The following CTNNBL1 variants were observed in gnomAD, a reference collection of about 807,000 sequenced individuals.
CTNNBL1 encodes the protein beta-catenin-like protein 1.
Under a neutral mutation model 72.7 loss-of-function variants are expected in CTNNBL1, and 31 were observed. The ratio of observed to expected loss-of-function variants is 0.43; its 90% confidence interval spans 0.32 to 0.58. The LOEUF (loss-of-function observed/expected upper bound fraction) is 0.58, where lower values mean the gene tolerates loss of function less well. Among genes scored for constraint, CTNNBL1 ranks in the 20% least tolerant of loss-of-function variants. The pLI is 0.08. For missense variants in CTNNBL1, 534 were observed against 725.1 expected (o/e 0.74, Z 3.03); for synonymous variants, 240 against 267.3 (o/e 0.90, Z 1.00).
intron 1 of CTNNBL1, among the ~76,000 whole-genome samples, chr20:37,703,885 C>T: frequency 6.6e-6 from 1 of 151,874 alleles, no homozygotes; most frequent in Non-Finnish European, 1.5e-5. Context: ...TCAAGCGACT[C>T]TCCTGCCTCA....
intron 5 of CTNNBL1, among the ~76,000 whole-genome samples, chr20:37,760,009 C>G (rs939932109): frequency 1.3e-5 from 2 of 152,206 alleles, no homozygotes; most frequent in African/African-American, 4.8e-5. Context: ...GTTGGAAGTC[C>G]TAAGCAATAG....
chr20:37,746,039 A>G (rs1025645694), intron 3 of CTNNBL1, among the ~76,000 whole-genome samples: 5 of 152,150 alleles, frequency 3.3e-5, no homozygotes, highest in African/African-American at 1.2e-4. Flanking sequence ...TTCTTTGGTA[A>G]GGGGAATAAC....
intron 11 of CTNNBL1, among the ~76,000 whole-genome samples, chr20:37,810,515 G>A (rs1431593386): frequency 2.0e-5 from 3 of 152,106 alleles, no homozygotes; most frequent in African/African-American, 7.2e-5. Flanking sequence ...TTTTGGTGGG[G>A]ATAAACCACA....
At chr20:37,790,387 G>A (rs1002208425) in intron 10 of CTNNBL1, among the ~76,000 whole-genome samples, 4 of 152,128 alleles carry the variant, frequency 2.6e-5, no homozygotes, top group African/African-American at 9.7e-5. Context: ...GGATTCAAGT[G>A]CAAAAGCAAA....
At chr20:37,832,452 G>A (rs2072217488) in intron 11 of CTNNBL1, 1 of 152,200 alleles carries the variant, frequency 6.6e-6, no homozygotes, top group Admixed American at 6.5e-5. Context: ...GAAAGAATGG[G>A]TTTAATAGAT....
intron 2 of CTNNBL1, among the ~76,000 whole-genome samples, chr20:37,735,097 A>G (rs1479660907): frequency 1.3e-5 from 2 of 152,230 alleles, no homozygotes; most frequent in East Asian, 3.8e-4. Flanking sequence ...GCTGATAATA[A>G]CCATAACAGC....
chr20:37,761,848 A>G (rs976656262), intron 5 of CTNNBL1, among the ~76,000 whole-genome samples: 12 of 152,246 alleles, frequency 7.9e-5, no homozygotes, highest in Non-Finnish European at 1.8e-4. Flanking sequence ...AATGATCAAG[A>G]GCAGGATGGG....
chr20:37,822,454 T>C (rs1473733474), intron 11 of CTNNBL1, among the ~76,000 whole-genome samples: 1 of 152,254 alleles, frequency 6.6e-6, no homozygotes, highest in Admixed American at 6.5e-5. Context: ...ACAAGTAGAA[T>C]TTGTTTCACA....
chr20:37,718,406 C>T (rs567432754), intron 1 of CTNNBL1, among the ~76,000 whole-genome samples: 45 of 141,020 alleles, frequency 3.2e-4, no homozygotes, highest in East Asian at 2.4e-3. Context: ...GCTGGCCGGG[C>T]GGGGGGCTGA....
intron 13 of CTNNBL1, among the ~76,000 whole-genome samples, chr20:37,857,027 G>A (rs985071492): frequency 5.9e-5 from 9 of 152,160 alleles, no homozygotes; most frequent in Non-Finnish European, 1.3e-4. Context: ...CCGTTTTCTA[G>A]CAACTGGTAA....
chr20:37,853,214 T>C (rs1318456107), intron 13 of CTNNBL1, among the ~76,000 whole-genome samples: 2 of 152,222 alleles, frequency 1.3e-5, no homozygotes, highest in East Asian at 3.8e-4. Context: ...CTAGCCATTT[T>C]TAAAACATGT....
intron 4 of CTNNBL1, chr20:37,756,425 C>T (rs1404387509): frequency 6.6e-6 from 1 of 150,574 alleles, no homozygotes; most frequent in African/African-American, 2.5e-5. Flanking sequence ...TCTCTCTCCC[C>T]CGTTGTGTGT....
intron 13 of CTNNBL1, among the ~76,000 whole-genome samples, chr20:37,843,158 T>C (rs1360593267): frequency 6.6e-6 from 1 of 152,236 alleles, no homozygotes; most frequent in Non-Finnish European, 1.5e-5. Flanking sequence ...CCAATTTGTA[T>C]TCGCTCCCCT....
intron 11 of CTNNBL1, among the ~76,000 whole-genome samples, chr20:37,824,564 A>G (rs2072141223): frequency 6.6e-6 from 1 of 152,258 alleles, no homozygotes; most frequent in South Asian, 2.1e-4. Flanking sequence ...TGTTAGTAAC[A>G]GAGACTAGAA....
At chr20:37,728,128 C>T (rs2073100515) in intron 1 of CTNNBL1, among the ~76,000 whole-genome samples, 1 of 152,132 alleles carries the variant, frequency 6.6e-6, no homozygotes, top group South Asian at 2.1e-4. Context: ...TAGGCCTGTG[C>T]TGTTCAGTAC....
chr20:37,712,654 A>G (rs1382278490), intron 1 of CTNNBL1, among the ~76,000 whole-genome samples: 1 of 152,262 alleles, frequency 6.6e-6, no homozygotes, highest in Non-Finnish European at 1.5e-5. Flanking sequence ...ACTTAAAAAG[A>G]ACTGTTCCTA....
intron 11 of CTNNBL1, among the ~76,000 whole-genome samples, chr20:37,820,880 A>C (rs909181447): frequency 1.6e-4 from 24 of 152,214 alleles, no homozygotes; most frequent in Admixed American, 1.4e-3. Context: ...GTGGCTGTAA[A>C]GTATGAATAA....
At chr20:37,823,321 C>T (rs912651664) in intron 11 of CTNNBL1, among the ~76,000 whole-genome samples, 2 of 152,166 alleles carry the variant, frequency 1.3e-5, no homozygotes, top group South Asian at 2.1e-4. Context: ...CTCTAACTGC[C>T]GCCTGACTGG....
chr20:37,717,626 T>A (rs923227247), intron 1 of CTNNBL1, among the ~76,000 whole-genome samples: 6 of 151,994 alleles, frequency 3.9e-5, no homozygotes, highest in Admixed American at 6.6e-5. Flanking sequence ...TTTTTTTTTT[T>A]ATTGATCATT....
Sources: gnomAD v4.1 joint callset for allele counts (sites outside exome capture counted in the v4.1 genomes callset) on GRCh38, gnomAD v4.1.1 for gene constraint, MANE v1.5 for transcripts, NCBI Gene and HGNC (gene_info 2026-07-23, HGNC 2026-07-21) for gene names.